The following LPP variants were observed in gnomAD, a reference collection of about 807,000 sequenced individuals.
LPP encodes the protein LIM domain containing preferred translocation partner in lipoma.
Under a neutral mutation model 60.4 loss-of-function variants are expected in LPP, and 38 were observed. The ratio of observed to expected loss-of-function variants is 0.63; its 90% CI spans 0.49 to 0.83. The LOEUF is 0.83. Among genes scored for constraint, LPP ranks in the 40% least tolerant of loss-of-function variants. The probability of loss-of-function intolerance (pLI) is 0.00; values close to 1 mark genes in which losing one functional copy is unlikely to be tolerated. For missense variants in LPP, 902 were observed against 783.6 expected (o/e 1.15, Z -1.80); for synonymous variants, 328 against 290.8 (o/e 1.13, Z -1.30).
At chr3:188,702,972 G>A (rs1005173074) in intron 7 of LPP, among the ~76,000 whole-genome samples, 2 of 152,140 alleles carry the variant, frequency 1.3e-5, no homozygotes, top group African/African-American at 4.8e-5. Context: ...ACGTTCTGCT[G>A]TTTTTAAGCA....
chr3:188,395,781 G>C (rs1056608363), intron 3 of LPP, among the ~76,000 whole-genome samples: 3 of 151,990 alleles, frequency 2.0e-5, no homozygotes, highest in Non-Finnish European at 4.4e-5. Flanking sequence ...AGACATTGTG[G>C]CACACCTATA....
intron 4 of LPP, among the ~76,000 whole-genome samples, chr3:188,459,963 C>T (rs1254798495): frequency 6.6e-6 from 1 of 152,080 alleles, no homozygotes; most frequent in Non-Finnish European, 1.5e-5. Flanking sequence ...AAATATCTAC[C>T]TTCAAGGAAA....
At chr3:188,858,775 G>T (rs1269106232) in intron 9 of LPP, among the ~76,000 whole-genome samples, 1 of 152,006 alleles carries the variant, frequency 6.6e-6, no homozygotes, top group Admixed American at 6.6e-5. Flanking sequence ...TAACACATAG[G>T]TTTTGTCTGT....
intron 2 of LPP, among the ~76,000 whole-genome samples, chr3:188,309,681 A>C (rs1752764536): frequency 6.6e-6 from 1 of 152,142 alleles, no homozygotes; most frequent in South Asian, 2.1e-4. Flanking sequence ...AATAGGTTTA[A>C]ATAGCCTTAT....
intron 6 of LPP, among the ~76,000 whole-genome samples, chr3:188,555,191 G>C (rs530844827): frequency 2.0e-5 from 3 of 152,242 alleles, no homozygotes; most frequent in Admixed American, 2.0e-4. Flanking sequence ...TTTTAAGAAA[G>C]AGTGAAGTAG....
intron 3 of LPP, among the ~76,000 whole-genome samples, chr3:188,370,854 C>T (rs926476972): frequency 3.3e-5 from 5 of 152,186 alleles, no homozygotes; most frequent in Admixed American, 2.0e-4. Flanking sequence ...ATTTTTCTCA[C>T]GCCTGCGTAA....
At chr3:188,808,350 C>T (rs781437538) in intron 9 of LPP, among the ~76,000 whole-genome samples, 1 of 152,116 alleles carries the variant, frequency 6.6e-6, no homozygotes, top group East Asian at 1.9e-4. Context: ...GGCAGAGGGA[C>T]ATTTTCTGCT....
chr3:188,237,245 G>A (rs1408508249), intron 2 of LPP, among the ~76,000 whole-genome samples: 1 of 152,116 alleles, frequency 6.6e-6, no homozygotes, highest in Admixed American at 6.5e-5. Context: ...TCTAATTCTA[G>A]TTCTCTTGCT....
At chr3:188,505,521 G>A (rs1813204460) in intron 5 of LPP, among the ~76,000 whole-genome samples, 1 of 152,018 alleles carries the variant, frequency 6.6e-6, no homozygotes, top group Non-Finnish European at 1.5e-5. Flanking sequence ...GACAAGTTTT[G>A]TTTCATTTAT....
chr3:188,485,452 A>G (rs922624663), intron 5 of LPP, among the ~76,000 whole-genome samples: 8 of 152,202 alleles, frequency 5.3e-5, no homozygotes, highest in African/African-American at 2.4e-5. Context: ...TACATTGAAG[A>G]AAAAAATGAG....
At chr3:188,546,582 A>G (rs1211065711) in intron 6 of LPP, among the ~76,000 whole-genome samples, 1 of 152,178 alleles carries the variant, frequency 6.6e-6, no homozygotes, top group Non-Finnish European at 1.5e-5. Flanking sequence ...AATAAGACAT[A>G]TGGGAGTCTA....
intron 2 of LPP, among the ~76,000 whole-genome samples, chr3:188,329,687 C>T (rs1416891289): frequency 6.6e-6 from 1 of 152,194 alleles, no homozygotes; most frequent in African/African-American, 2.4e-5. Flanking sequence ...TCTCCGCTCA[C>T]CACTACTATC....
At chr3:188,545,200 C>A in intron 6 of LPP, among the ~76,000 whole-genome samples, 1 of 130,588 alleles carries the variant, frequency 7.7e-6, no homozygotes. Flanking sequence ...CACATGTATA[C>A]ATATGTAACT....
intron 9 of LPP, among the ~76,000 whole-genome samples, chr3:188,782,386 C>T (rs1285369565): frequency 2.0e-5 from 3 of 152,124 alleles, no homozygotes; most frequent in Non-Finnish European, 2.9e-5. Flanking sequence ...CTACTTCCTA[C>T]ATTGTGAAAG....
chr3:188,286,558 G>T (rs1174975707), intron 2 of LPP, among the ~76,000 whole-genome samples: 1 of 152,110 alleles, frequency 6.6e-6, no homozygotes, highest in East Asian at 1.9e-4. Context: ...TTAAAGAAGA[G>T]AACTTCTTAT....
At chr3:188,565,285 C>T (rs562897895) in intron 6 of LPP, among the ~76,000 whole-genome samples, 239 of 152,088 alleles carry the variant, frequency 1.6e-3, no homozygotes, top group Non-Finnish European at 2.6e-3. Flanking sequence ...GTATGTACTT[C>T]TCTATCACAG....
intron 2 of LPP, among the ~76,000 whole-genome samples, chr3:188,339,850 A>G (rs937736500): frequency 6.6e-6 from 1 of 152,200 alleles, no homozygotes; most frequent in Non-Finnish European, 1.5e-5. Context: ...GGGATGTTGC[A>G]TCTTGAAACT....
At chr3:188,853,025 C>G (rs1360710465) in intron 9 of LPP, among the ~76,000 whole-genome samples, 2 of 152,072 alleles carry the variant, frequency 1.3e-5, no homozygotes, top group African/African-American at 4.8e-5. Flanking sequence ...TGTCGGGCAC[C>G]TGTAATCCCG....
intron 5 of LPP, among the ~76,000 whole-genome samples, chr3:188,499,311 C>T (rs1053074163): frequency 1.3e-5 from 2 of 152,080 alleles, no homozygotes; most frequent in Admixed American, 1.3e-4. Context: ...TATAATTATG[C>T]TAGGAAAGAG....
Sources: allele counts gnomAD v4.1 joint callset (sites outside exome capture counted in the v4.1 genomes callset), GRCh38; gene constraint gnomAD v4.1.1; transcripts MANE v1.5; gene names NCBI Gene and HGNC (gene_info 2026-07-23, HGNC 2026-07-21).